Variants in KATNAL2 observed in about 807,000 individuals in gnomAD.
The protein encoded by KATNAL2 is katanin catalytic subunit A1 like 2, also known as katanin p60 ATPase-containing subunit A-like 2.
KATNAL2 carries 52 observed loss-of-function variants against 76.3 expected under a neutral mutation model. That is an observed-to-expected ratio of 0.68 (90% CI 0.55 to 0.86). The LOEUF (loss-of-function observed/expected upper bound fraction) is 0.86. KATNAL2 is among the 40% of genes least tolerant of loss of function. The pLI is 0.00. For missense variants in KATNAL2, 660 were observed against 668.9 expected (o/e 0.99, Z 0.15); for synonymous variants, 243 against 244.2 (o/e 1.00, Z 0.05).
intron 1 of KATNAL2, among the ~76,000 whole-genome samples, chr18:46,944,923 T>C (rs2059344432): frequency 6.6e-6 from 1 of 151,866 alleles, no homozygotes; most frequent in Non-Finnish European, 1.5e-5. Flanking sequence ...CAAGACTCTG[T>C]CTCAAAAAAT....
Position 47,035,131 on chromosome 18 carries a change from G to T in KATNAL2, c.52-11326G>T, listed in dbSNP as rs769298786. On this transcript the variant is annotated intron_variant, in intron 3 of 17. Coordinates refer to ENST00000683218, the MANE Select transcript of KATNAL2 (RefSeq NM_001387690.1). The stretch of plus-strand genomic sequence containing the variant: ...CACCGTCTTTCTGATTCCAGTCTCC[G>T]CCAGGATGTCTGCCGTCATGGGCAA... 1.2e-5 allele frequency: 20 copies of T among 1,611,514 alleles called. No individual in the cohort carries two copies. In the Admixed American group the frequency reaches 1.5e-4, roughly 12 times the overall value.
At chr18:47,067,167 G>A (rs2061840318) in intron 11 of KATNAL2, 48 bp downstream of exon 11, 1 of 927,138 alleles carries the variant, frequency 1.1e-6, no homozygotes, top group African/African-American at 1.6e-5. Context: ...ACTATCCATT[G>A]GACAAGCTGT....
chr18:47,069,738 C>T, intron 13 of KATNAL2, 138 bp downstream of exon 13: 1 of 581,084 alleles, frequency 1.7e-6, no homozygotes. Flanking sequence ...TTACCAGCAG[C>T]TTGGGAAATG....
At chr18:47,032,143 G>T (rs936970819) in intron 3 of KATNAL2, among the ~76,000 whole-genome samples, 4 of 152,242 alleles carry the variant, frequency 2.6e-5, no homozygotes, top group African/African-American at 7.2e-5. Flanking sequence ...TGGGTGAAAA[G>T]TTTGGGAATG....
At chr18:46,931,701 A>G (rs1253658687) in intron 1 of KATNAL2, among the ~76,000 whole-genome samples, 12 of 150,530 alleles carry the variant, frequency 8.0e-5, no homozygotes, top group African/African-American at 2.9e-4. Flanking sequence ...GAAGGAAGGA[A>G]GAGAGAGAGA....
chr18:46,953,729 C>T (rs1440043273), intron 3 of KATNAL2, among the ~76,000 whole-genome samples: 2 of 151,442 alleles, frequency 1.3e-5, no homozygotes, highest in African/African-American at 4.9e-5. Context: ...TGTACTCCAA[C>T]CTAGGCGACA....
intron 1 of KATNAL2, among the ~76,000 whole-genome samples, chr18:46,934,264 A>G: frequency 6.6e-6 from 1 of 152,182 alleles, no homozygotes; most frequent in Non-Finnish European, 1.5e-5. Flanking sequence ...AGTCCCACCA[A>G]CAGTGTCAAA....
Position 47,101,944 on chromosome 18 carries a change from C to T in KATNAL2, c.*939C>T, listed in dbSNP as rs1356638246. 2.0e-5 allele frequency: 3 copies of T among 152,128 alleles called. No individual in the cohort carries two copies. Among genetic ancestry groups the T allele is most frequent in the African/African-American group, 7.2e-5 (3 of 41,424 alleles). The allele number at this position is 152,128 out of a possible 1,614,324, so 9.4% of individuals were successfully genotyped here. On this transcript the variant is annotated 3_prime_UTR_variant, in exon 18 of 18. Transcript: ENST00000683218. ...TTTGAAGGCTTCTACTAAGTAATGC[C>T]ACTTCTTTTCCCCCACTAGAACTTA...
At chr18:46,929,906 G>A (rs777883350) in intron 1 of KATNAL2, among the ~76,000 whole-genome samples, 2 of 151,944 alleles carry the variant, frequency 1.3e-5, no homozygotes, top group Non-Finnish European at 2.9e-5. Context: ...TCCCGAGTAG[G>A]TGGGATTACA....
At chr18:47,098,999 CCTT>C (rs1457444283) in intron 15 of KATNAL2, 1 of 370,692 alleles carries the variant, frequency 2.7e-6, no homozygotes, top group African/African-American at 2.1e-5. Flanking sequence ...ATCCTTCCTT[CCTT>C]CTCTTTCTTC....
intron 4 of KATNAL2, among the ~76,000 whole-genome samples, chr18:47,049,458 C>T (rs1378102737): frequency 2.0e-5 from 3 of 152,134 alleles, no homozygotes; most frequent in East Asian, 3.9e-4. Context: ...TCCAAAGAAC[C>T]CTGAGTTAAA....
In KATNAL2 at chr18:47,077,412, G is replaced by A. The variant is rs2062289352; in HGVS notation, c.1162G>A (p.Ala388Thr). 1.2e-6 allele frequency: 2 copies of A among 1,614,040 alleles called. No individual in the cohort carries two copies. The highest frequency in any genetic ancestry group is 4.5e-5 in the East Asian group (2 of 44,884). ...GTTACTGGTGCAGATGGATGGGCTG[G>A]CACGCTCAGAAGATCTCGTATTTGT... ...TELLVQMDGL[A>T]RSEDLVFVLA... Residue 388 changes from alanine to threonine, a missense_variant, in exon 15 of 18, where the codon GCA becomes ACA. Ala to Thr is a moderately conservative substitution (Grantham distance 58). Transcript: ENST00000683218.
intron 12 of KATNAL2, 94 bp from the exon 13 acceptor site, chr18:47,069,388 G>C: frequency 7.3e-7 from 1 of 1,361,722 alleles, no homozygotes; most frequent in Non-Finnish European, 1.0e-6. Flanking sequence ...GAGCTGAGCA[G>C]TCACTTCCTT....
intron 3 of KATNAL2, among the ~76,000 whole-genome samples, chr18:47,035,996 C>T (rs1365123900): frequency 1.3e-5 from 2 of 152,230 alleles, no homozygotes; most frequent in Non-Finnish European, 2.9e-5. Flanking sequence ...TATTTCTTAA[C>T]ATCTGCTCCA....
intron 13 of KATNAL2, among the ~76,000 whole-genome samples, chr18:47,069,876 A>T (rs773564981): frequency 3.9e-5 from 6 of 152,098 alleles, no homozygotes; most frequent in Non-Finnish European, 7.4e-5. Flanking sequence ...GGGGGAAAAA[A>T]ATCTCTGACG....
intron 1 of KATNAL2, among the ~76,000 whole-genome samples, chr18:46,922,172 C>T (rs1027049404): frequency 6.6e-6 from 1 of 150,650 alleles, no homozygotes; most frequent in African/African-American, 2.4e-5. Context: ...ATGATCACAG[C>T]TCACTGCAAC....
intron 15 of KATNAL2, among the ~76,000 whole-genome samples, chr18:47,095,823 AG>A (rs1377246288): frequency 6.6e-6 from 1 of 152,232 alleles, no homozygotes; most frequent in Non-Finnish European, 1.5e-5. Flanking sequence ...AGTATGAACA[AG>A]GAAGAAACCA....
chr18:47,059,680 C>T lies in KATNAL2; in HGVS notation c.549+26C>T, dbSNP rs772966597. On this transcript the variant is annotated intron_variant, in intron 8 of 17. Transcript: ENST00000683218. ...GTAAGTGAAACTCATGAACCTAACA[C>T]TGAAAGTGGTAATTTCTTTTTCCTT... The T allele has an allele frequency of 3.6e-6, 5 of 1,398,624 alleles. No individual in the cohort carries two copies. The Admixed American group carries it at 6.9e-5, about 19-fold the overall frequency. The allele number at this position is 1,398,624 out of a possible 1,614,324, so 86.6% of individuals were successfully genotyped here.
chr18:46,948,090 A>G (rs1260446705), intron 3 of KATNAL2, among the ~76,000 whole-genome samples: 1 of 152,108 alleles, frequency 6.6e-6, no homozygotes, highest in Non-Finnish European at 1.5e-5. Flanking sequence ...ATATATTTTC[A>G]TGACTTCTAG....
Sources: gnomAD v4.1 joint callset for allele counts (sites outside exome capture counted in the v4.1 genomes callset) on GRCh38, gnomAD v4.1.1 for gene constraint, MANE v1.5 for transcripts, NCBI Gene and HGNC (gene_info 2026-07-23, HGNC 2026-07-21) for gene names.